Variants in DPYSL4 observed in about 807,000 individuals in gnomAD.
The protein encoded by DPYSL4 is dihydropyrimidinase like 4.
DPYSL4 carries 43 observed loss-of-function variants against 63.4 expected under a neutral mutation model. That is an observed-to-expected ratio of 0.68 (90% CI 0.53 to 0.88). The LOEUF is 0.88. Among genes scored for constraint, DPYSL4 ranks in the 40% least tolerant of loss-of-function variants. The probability of loss-of-function intolerance (pLI) is 0.00; values close to 1 mark genes in which losing one functional copy is unlikely to be tolerated. For missense variants in DPYSL4, 733 were observed against 819.5 expected (o/e 0.89, Z 1.29); for synonymous variants, 353 against 331.7 (o/e 1.06, Z -0.70).
At position 132,201,972 on chromosome 10, in the gene DPYSL4, G is replaced by C; in HGVS notation, c.1137G>C (p.Glu379Asp). The C allele has an allele frequency of 2.5e-6, 4 of 1,613,168 alleles. No individual in the cohort carries two copies. Among genetic ancestry groups the C allele is most frequent in the Non-Finnish European group, 3.4e-6 (4 of 1,179,874 alleles). The change falls in exon 11 of 14, where the codon GAG becomes GAC. Residue 379 changes from glutamate (E) to aspartate (D), a missense_variant. Coordinates refer to ENST00000338492, the MANE Select transcript of DPYSL4 (RefSeq NM_006426.3). ...CVASGKMDEN[E>D]FVAVTSTNAA... ...CCTCTGGGAAGATGGACGAGAATGA[G>C]TTCGTCGCGGTGACCAGTACAAATG...
rs186040787 is a variant in DPYSL4 at position 132,191,330 on chromosome 10, C to T, written c.128+495C>T. Among the ~76,000 whole-genome samples the T allele has an allele frequency of 1.9e-3, 280 of 145,048 alleles. 3 individuals carry two copies. The highest frequency in any genetic ancestry group is 7.0e-3 in the African/African-American group (270 of 38,398). On this transcript the variant is annotated intron_variant, in intron 2 of 13. Coordinates refer to ENST00000338492, the MANE Select transcript of DPYSL4 (RefSeq NM_006426.3). ...CCACCTCTTGTGTACACACTGGCCA[C>T]GTGGTATCCAGGCAGTTGAAAGTAT...
chr10:132,195,517 G>A (rs1481769889), intron 4 of DPYSL4, among the ~76,000 whole-genome samples: 2 of 152,130 alleles, frequency 1.3e-5, no homozygotes, highest in Admixed American at 6.5e-5. Flanking sequence ...ATCTGAGTCC[G>A]GCCCACAGCT....
rs879122782 is a variant in DPYSL4 at position 132,191,485 on chromosome 10, C to T, written c.128+650C>T. On this transcript the variant is annotated intron_variant, in intron 2 of 13. Transcript: ENST00000338492. ...AGTATGTTCCCAGCTCGTGTGTACA[C>T]GCTGGTCATGTGGTATCCAGGCAGA... Among the ~76,000 whole-genome samples the T allele has an allele frequency of 5.0e-5, 5 of 100,346 alleles. 1 individual carries two copies. The highest frequency in any genetic ancestry group is 1.1e-4 in the Admixed American group (1 of 9,398). The allele number at this position is 100,346 out of a possible 152,430, so 65.8% of individuals were successfully genotyped here.
At chr10:132,192,537 G>C in intron 2 of DPYSL4, 121 bp from the exon 3 acceptor site, 1 of 1,448,762 alleles carries the variant, frequency 6.9e-7, no homozygotes, top group Middle Eastern at 1.9e-4. Flanking sequence ...GGCCGGCCGT[G>C]CTGGCCTTTT....
rs529545118 is a variant in DPYSL4, at chr10:132,198,865, G to T, written c.705G>T (p.Ala235=). ...CTCGTCCCCAGGTGGAGGCTGAGGCGGTGTACCGAGCTGTCACCATCGCCA... is the reference window on the plus strand; with the variant it reads ...CTCGTCCCCAGGTGGAGGCTGAGGCTGTGTACCGAGCTGTCACCATCGCCA... ...LSHPEEVEAE[A]VYRAVTIAKQ... is the part of the protein sequence containing the mutation. The change falls in exon 8 of 14, where the codon GCG becomes GCT. Residue 235 remains alanine, a synonymous_variant. Coordinates refer to ENST00000338492, the MANE Select transcript of DPYSL4 (RefSeq NM_006426.3). 1 of 1,612,916 alleles carries T rather than the reference G, an allele frequency of 6.2e-7. No individual in the cohort carries two copies. The highest frequency in any genetic ancestry group is 8.5e-7 in the Non-Finnish European group (1 of 1,179,890).
intron 2 of DPYSL4, among the ~76,000 whole-genome samples, chr10:132,191,377 A>G (rs111486442): frequency 1.3e-4 from 14 of 110,992 alleles, no homozygotes; most frequent in Middle Eastern, 7.2e-3. Flanking sequence ...TTGTGTACAC[A>G]CTGGTCACGT....
At chr10:132,204,049 T>G in intron 13 of DPYSL4, 122 bp downstream of exon 13, 2 of 1,301,914 alleles carry the variant, frequency 1.5e-6, no homozygotes, top group Non-Finnish European at 2.1e-6. Context: ...AGCTGGGGAC[T>G]GGGGCAGGAG....
chr10:132,198,997 G>A (rs773265009), intron 8 of DPYSL4, 26 bp downstream of exon 8: 2 of 1,219,942 alleles, frequency 1.6e-6, no homozygotes, highest in Non-Finnish European at 2.3e-6. Flanking sequence ...CGCCTCTGAT[G>A]CCGAGGGGCC....
chr10:132,202,869 GC>G, intron 12 of DPYSL4, 44 bp downstream of exon 12: 1 of 1,551,688 alleles, frequency 6.4e-7, no homozygotes. Flanking sequence ...AGGCAGGTGG[GC>G]GCTGAGTTCT....
intron 12 of DPYSL4, among the ~76,000 whole-genome samples, chr10:132,203,240 G>A (rs538694962): frequency 6.6e-6 from 1 of 152,150 alleles, no homozygotes; most frequent in East Asian, 1.9e-4. Context: ...TGGGGCGTGT[G>A]CTCCTCTCCA....
intron 3 of DPYSL4, among the ~76,000 whole-genome samples, chr10:132,194,356 A>G (rs774735727): frequency 6.6e-6 from 1 of 152,230 alleles, no homozygotes; most frequent in Non-Finnish European, 1.5e-5. Flanking sequence ...GGCTGTGTGC[A>G]GGGGGCAGGA....
At chr10:132,191,955 A>T (rs1198638478) in intron 2 of DPYSL4, among the ~76,000 whole-genome samples, 1 of 95,350 alleles carries the variant, frequency 1.0e-5, no homozygotes, top group African/African-American at 3.9e-5. Context: ...AGGTGAAAGT[A>T]TGTTCCCAGC....
chr10:132,197,291 T>G (rs977923319), intron 6 of DPYSL4, among the ~76,000 whole-genome samples, 190 bp downstream of exon 6: 7 of 152,294 alleles, frequency 4.6e-5, no homozygotes, highest in African/African-American at 9.6e-5. Context: ...TTAGAGAGAC[T>G]GGGGGGTGAT....
rs374127056 is a variant in DPYSL4, at chr10:132,187,121, C to T, written c.39+19C>T. The T allele has an allele frequency of 3.3e-6, 5 of 1,521,990 alleles. 1 individual carries two copies. In the South Asian group the frequency reaches 6.2e-5, roughly 19 times the overall value. The allele number at this position is 1,521,990 out of a possible 1,614,324, so 94.3% of individuals were successfully genotyped here. A position where few individuals can be genotyped will look rare whatever the true frequency, so the allele number is the denominator to read the frequency against. On this transcript the variant is annotated intron_variant, in intron 1 of 13. Transcript: ENST00000338492. Reference sequence around the variant, plus strand: ...GATCACGGTGAGCCCGGTCCCGCTTCGCCCGGCGCCCCCTGCCCGCCGCCC... The same window carrying T: ...GATCACGGTGAGCCCGGTCCCGCTTTGCCCGGCGCCCCCTGCCCGCCGCCC...
chr10:132,197,622 G>T (rs976412126), intron 6 of DPYSL4, among the ~76,000 whole-genome samples: 5 of 152,250 alleles, frequency 3.3e-5, no homozygotes, highest in Admixed American at 6.5e-5. Flanking sequence ...TACAGATGGA[G>T]TTCAGAGAGT....
rs1239867361 is a variant in DPYSL4 at position 132,198,952 on chromosome 10, C to T, written c.792C>T (p.Ile264=). 11 of 1,612,192 alleles carry T rather than the reference C, an allele frequency of 6.8e-6. No homozygotes were observed. Among genetic ancestry groups the T allele is most frequent in the South Asian group, 2.2e-5 (2 of 91,022 alleles). Residue 264 remains isoleucine (I), a synonymous_variant, in exon 8 of 14, where the codon ATC becomes ATT. Transcript: ENST00000338492. ...KVMSKGAADA[I]AQAKRRGVVV... is the part of the protein sequence containing the mutation. ...TGAGCAAGGGGGCGGCCGACGCCAT[C>T]GCTCAGGCCAAGCGCAGAGGTGAGC...
chr10:132,203,439 C>A, intron 12 of DPYSL4: 1 of 400,840 alleles, frequency 2.5e-6, no homozygotes, highest in South Asian at 4.7e-5. Flanking sequence ...CACACAAGTG[C>A]ACGTGGGGCC....
chr10:132,190,322 C>T (rs1178462909), intron 1 of DPYSL4, among the ~76,000 whole-genome samples: 1 of 152,280 alleles, frequency 6.6e-6, no homozygotes, highest in African/African-American at 2.4e-5. Context: ...GCTCCGTCCG[C>T]TCCCAGCCTC....
At chr10:132,191,085 C>A (rs1455014944) in intron 2 of DPYSL4, among the ~76,000 whole-genome samples, 4 of 143,344 alleles carry the variant, frequency 2.8e-5, no homozygotes, top group Non-Finnish European at 6.1e-5. Context: ...GCAAATAGTT[C>A]CCAGCTCGTG....
Sources: gnomAD v4.1 joint callset for allele counts (sites outside exome capture counted in the v4.1 genomes callset) on GRCh38, gnomAD v4.1.1 for gene constraint, MANE v1.5 for transcripts, NCBI Gene and HGNC (gene_info 2026-07-23, HGNC 2026-07-21) for gene names.